The following ACVRL1 variants were observed in gnomAD, a reference collection of about 807,000 sequenced individuals.
The protein encoded by ACVRL1 is activin receptor type-1-like.
Under a neutral mutation model 51.9 loss-of-function variants are expected in ACVRL1, and 20 were observed. The ratio of observed to expected loss-of-function variants is 0.39; its 90% CI spans 0.27 to 0.56. The LOEUF (loss-of-function observed/expected upper bound fraction) is 0.56, where lower values mean the gene tolerates loss of function less well. ACVRL1 is among the 20% of genes least tolerant of loss of function. The pLI, the probability that ACVRL1 is intolerant of heterozygous loss-of-function variation, is 0.67. For synonymous variants in ACVRL1, 288 were observed against 280.9 expected (o/e 1.03, Z -0.25); for missense variants, 451 against 670.3 (o/e 0.67, Z 3.61).
At chr12:51,911,092 C>T (rs570543748) in intron 1 of ACVRL1, among the ~76,000 whole-genome samples, 1 of 152,388 alleles carries the variant, frequency 6.6e-6, no homozygotes, top group South Asian at 2.1e-4. Flanking sequence ...GACAGTCTCC[C>T]TGCCTTGTGC....
At chr12:51,910,937 G>A (rs73111522) in intron 1 of ACVRL1, among the ~76,000 whole-genome samples, 3,771 of 152,304 alleles carry the variant, frequency 0.025, 73 homozygotes, top group Non-Finnish European at 0.038. Flanking sequence ...GGCCTATGAA[G>A]CCCCCCTACC....
chr12:51,912,885 G>A (rs1042587272), intron 2 of ACVRL1, among the ~76,000 whole-genome samples: 4 of 152,112 alleles, frequency 2.6e-5, no homozygotes, highest in African/African-American at 9.7e-5. Context: ...GGACCTAGGA[G>A]CCAGGAGGGG....
intron 1 of ACVRL1, among the ~76,000 whole-genome samples, chr12:51,909,502 T>A (rs1940651704): frequency 6.6e-6 from 1 of 151,738 alleles, no homozygotes; most frequent in Non-Finnish European, 1.5e-5. Flanking sequence ...TCAAAAAAAA[T>A]TAAAAACAAA....
rs375067807 is a variant in ACVRL1 at position 51,921,961 on chromosome 12, A to G, written c.*1068A>G. The G allele has an allele frequency of 2.6e-5, 4 of 152,078 alleles. No homozygotes were observed. Among genetic ancestry groups the G allele is most frequent in the African/African-American group, 9.7e-5 (4 of 41,390 alleles). The allele number at this position is 152,078 out of a possible 1,614,324, so 9.4% of individuals were successfully genotyped here. ...TGGCCATGCTGGTCTCGAACTCCTG[A>G]CCTCAGGTGTTCCACCTACCTCAGC... is the stretch of plus-strand genomic sequence containing the variant. On this transcript the variant is annotated 3_prime_UTR_variant, in exon 10 of 10. Coordinates refer to ENST00000388922, the MANE Select transcript of ACVRL1 (RefSeq NM_000020.3).
chr12:51,921,236 C>G lies in ACVRL1; in HGVS notation c.*343C>G. ...GGGAATCCCAGTCCCAGACTCAGAG[C>G]CCGGGCCTGCACTTTGCCCCCTGCC... On this transcript the variant is annotated 3_prime_UTR_variant, in exon 10 of 10. Transcript: ENST00000388922. 1 of 371,504 alleles carries G rather than the reference C, an allele frequency of 2.7e-6. No homozygotes were observed. The highest frequency in any genetic ancestry group is 5.2e-6 in the Non-Finnish European group (1 of 191,590). The allele number at this position is 371,504 out of a possible 1,614,324, so 23.0% of individuals were successfully genotyped here.
rs192906971 is a variant in ACVRL1, at chr12:51,917,032, T to C, written c.1246+799T>C. On this transcript the variant is annotated intron_variant, in intron 8 of 9. Coordinates refer to ENST00000388922, the MANE Select transcript of ACVRL1 (RefSeq NM_000020.3). The surrounding 1 kb of genome is among the most constrained non-coding windows in gnomAD (Gnocchi z 4.2). ...AATGAGAATAAAAATAGCTTCCAGT[T>C]GTTGAGATAATCTAAGTATTTAGAA... is the stretch of plus-strand genomic sequence containing the variant. Among the ~76,000 whole-genome samples the C allele has an allele frequency of 1.3e-5, 2 of 152,296 alleles. No individual in the cohort carries two copies. Among genetic ancestry groups the C allele is most frequent in the African/African-American group, 4.8e-5 (2 of 41,550 alleles).
At chr12:51,918,584 G>A (rs1018205039) in intron 8 of ACVRL1, among the ~76,000 whole-genome samples, 6 of 152,166 alleles carry the variant, frequency 3.9e-5, no homozygotes, top group African/African-American at 1.4e-4. Context: ...AGGGAAGACT[G>A]GAACAAGGCT....
chr12:51,910,434 A>G (rs772755167), intron 1 of ACVRL1, among the ~76,000 whole-genome samples: 26 of 152,180 alleles, frequency 1.7e-4, no homozygotes, highest in Non-Finnish European at 3.2e-4. Flanking sequence ...TCCAGGACTG[A>G]ATCAGAGTCT....
At position 51,921,010 on chromosome 12, in the gene ACVRL1, T is replaced by A. The variant is rs1940967764; in HGVS notation, c.*117T>A. The A allele has an allele frequency of 2.4e-6, 3 of 1,252,238 alleles. No individual in the cohort carries two copies. In the Admixed American group the frequency reaches 6.0e-5, roughly 25 times the overall value. The allele number at this position is 1,252,238 out of a possible 1,614,324, so 77.6% of individuals were successfully genotyped here. A position where few individuals can be genotyped will look rare whatever the true frequency, so the allele number is the denominator to read the frequency against. On this transcript the variant is annotated 3_prime_UTR_variant, in exon 10 of 10. Transcript: ENST00000388922. ...GTGGTGTGTGCTGGGGATGGGCAGC[T>A]GCGCCTGCCTGCTCGGCCCCCAGCC... is the stretch of plus-strand genomic sequence containing the variant.
rs757390184 is a variant in ACVRL1, at chr12:51,919,112, C to T, written c.1374C>T (p.Asp458=). ...CCATCCCTAACCGGCTGGCTGCAGACCCGGTGAGGCCTCTGCTGGGACTAG... is the reference window on the plus strand; with the variant it reads ...CCATCCCTAACCGGCTGGCTGCAGATCCGGTGAGGCCTCTGCTGGGACTAG... The part of the protein sequence containing the change: ...TPTIPNRLAA[D]PVLSGLAQMM... Residue 458 remains aspartate (D), a synonymous_variant, in exon 9 of 10, where the codon GAC becomes GAT. Coordinates refer to ENST00000388922, the MANE Select transcript of ACVRL1 (RefSeq NM_000020.3). 1.2e-6 allele frequency: 2 copies of T among 1,614,068 alleles called. No homozygotes were observed. The highest frequency in any genetic ancestry group is 3.3e-5 in the Admixed American group (2 of 60,004).
chr12:51,920,561 G>C (rs1338811457), intron 9 of ACVRL1, among the ~76,000 whole-genome samples, 198 bp from the exon 10 acceptor site: 2 of 150,452 alleles, frequency 1.3e-5, no homozygotes, highest in East Asian at 3.9e-4. Flanking sequence ...CTTTCCTCTC[G>C]CTCTCCTTTC....
intron 9 of ACVRL1, 29 bp downstream of exon 9, chr12:51,919,144 G>A (rs771555538): frequency 9.5e-5 from 153 of 1,613,362 alleles, no homozygotes; most frequent in Non-Finnish European, 1.2e-4. Context: ...CTAGGATGGC[G>A]TGGGGTGGTG....
chr12:51,907,145 T>A (rs1940609209), upstream of ACVRL1, among the ~76,000 whole-genome samples: 1 of 151,930 alleles, frequency 6.6e-6, no homozygotes, highest in Non-Finnish European at 1.5e-5. This position sits in a 1 kb window ranked among gnomAD's most constrained non-coding sequence, Gnocchi z 4.5. Flanking sequence ...AGACGTTGCC[T>A]ACAGTCTCGG....
In ACVRL1 at chr12:51,920,940, G is replaced by T. The variant is rs1405608386; in HGVS notation, c.*47G>T. 5.6e-6 allele frequency: 4 copies of T among 709,292 alleles called. No homozygotes were observed. The highest frequency in any genetic ancestry group is 3.9e-4 in the Middle Eastern group (1 of 2,572). The allele number at this position is 709,292 out of a possible 1,614,324, so 43.9% of individuals were successfully genotyped here. A position where few individuals can be genotyped will look rare whatever the true frequency, so the allele number is the denominator to read the frequency against. On this transcript the variant is annotated 3_prime_UTR_variant, in exon 10 of 10. Transcript: ENST00000388922. Reference sequence around the variant, plus strand: ...TCTGCCTGCAGGGGGCTGGGGGGGTGGGGGGCAGTGGATGGTGCCCTATCT... The same window carrying T: ...TCTGCCTGCAGGGGGCTGGGGGGGTTGGGGGCAGTGGATGGTGCCCTATCT...
rs1421777456 is a variant in ACVRL1 at position 51,922,329 on chromosome 12, A to AAGCC, written c.*1441_*1444dup. On this transcript the variant is annotated 3_prime_UTR_variant, in exon 10 of 10. Transcript: ENST00000388922. ...AGACAGCTCTGGGCCTTTTGACCAC[A>AAGCC]AGCCAGCCCCTCGCCCTCTCTGTGG... 6.6e-6 allele frequency: 1 copy of AAGCC among 152,040 alleles called. No individual in the cohort carries two copies. Among genetic ancestry groups the AAGCC allele is most frequent in the African/African-American group, 2.4e-5 (1 of 41,394 alleles). The allele number at this position is 152,040 out of a possible 1,614,324, so 9.4% of individuals were successfully genotyped here. A position where few individuals can be genotyped will look rare whatever the true frequency, so the allele number is the denominator to read the frequency against.
chr12:51,914,147 C>T, intron 5 of ACVRL1, 74 bp downstream of exon 5: 21 of 1,506,134 alleles, frequency 1.4e-5, no homozygotes, highest in Non-Finnish European at 1.7e-5. Context: ...GAGTTTTTGG[C>T]TACTGGAATC....
intron 9 of ACVRL1, chr12:51,919,434 C>T (rs2139085746): frequency 4.8e-6 from 2 of 412,662 alleles, no homozygotes; most frequent in Admixed American, 3.6e-5. Context: ...TTGCTCTTGT[C>T]ACCCAGGCTG....
chr12:51,920,599 C>G (rs1940950347), intron 9 of ACVRL1, among the ~76,000 whole-genome samples, 160 bp from the exon 10 acceptor site: 1 of 151,948 alleles, frequency 6.6e-6, no homozygotes, highest in African/African-American at 2.4e-5. Context: ...TCCTCTCATC[C>G]TTTCTCTCCT....
intron 2 of ACVRL1, 113 bp downstream of exon 2, chr12:51,912,648 G>A: frequency 8.6e-6 from 8 of 929,860 alleles, no homozygotes; most frequent in Non-Finnish European, 1.4e-5. Context: ...GAATGTAGGA[G>A]CTTGACTGGA....
Sources: allele counts gnomAD v4.1 joint callset (sites outside exome capture counted in the v4.1 genomes callset), GRCh38; gene constraint gnomAD v4.1.1; non-coding constraint Gnocchi (gnomAD v3.1); transcripts MANE v1.5; gene names NCBI Gene and HGNC (gene_info 2026-07-23, HGNC 2026-07-21).